Variants in CAMK4 observed in about 807,000 individuals in gnomAD.
CAMK4 encodes calcium/calmodulin dependent protein kinase IV, also known as calcium/calmodulin-dependent protein kinase type IV.
CAMK4 carries 22 observed loss-of-function variants against 44.9 expected under a neutral mutation model. The observed-to-expected ratio is 0.49, with a 90% CI of 0.35 to 0.70. The LOEUF (loss-of-function observed/expected upper bound fraction) is 0.70. Ranked by LOEUF, CAMK4 falls within the 30% of genes least tolerant of loss-of-function variation. The probability of loss-of-function intolerance (pLI) is 0.01; values close to 1 mark genes in which losing one functional copy is unlikely to be tolerated. For missense variants in CAMK4, 498 were observed against 586.8 expected, an observed-to-expected ratio of 0.85 and a Z score of 1.56; for synonymous variants, 218 against 215.4, an observed-to-expected ratio of 1.01 and a Z score of -0.11.
At chr5:111,283,773 A>T (rs141824522) in intron 1 of CAMK4, among the ~76,000 whole-genome samples, 12 of 152,340 alleles carry the variant, frequency 7.9e-5, no homozygotes, top group Non-Finnish European at 1.6e-4. Flanking sequence ...CAAGTATATG[A>T]TGCTATCAAT....
Position 111,331,874 on chromosome 5 carries a change from A to G in CAMK4, c.162-12150A>G, listed in dbSNP as rs541793746. 4.6e-5 allele frequency among the ~76,000 whole-genome samples: 7 copies of G among 151,708 alleles called. No homozygotes were observed. The East Asian group carries it at 1.4e-3, about 30-fold the overall frequency. On this transcript the variant is annotated intron_variant, in intron 1 of 10. Coordinates refer to ENST00000282356, the MANE Select transcript of CAMK4 (RefSeq NM_001744.6). ...TACTTTGAAAATTATATATTTATTT[A>G]TAGATTTTTTCTTATTTTCATATTA...
In CAMK4 at chr5:111,224,420, G is replaced by GC; in HGVS notation, c.-62dup. ...CTGCGTTCGCAGGCGGCGGCTGGCG[G>GC]CCGGCTTCTCGCTCGGGCAGCGGCG... On this transcript the variant is annotated 5_prime_UTR_variant, in exon 1 of 11. Coordinates refer to ENST00000282356, the MANE Select transcript of CAMK4 (RefSeq NM_001744.6). This position sits in a 1 kb window ranked among gnomAD's most constrained non-coding sequence, Gnocchi z 5.7. 1 of 1,500,480 alleles carries GC rather than the reference G, an allele frequency of 6.7e-7. No individual in the cohort carries two copies. The highest frequency in any genetic ancestry group is 8.9e-7 in the Non-Finnish European group (1 of 1,128,932). 92.9% of individuals were successfully genotyped at this position (1,500,480 alleles called of 1,614,324 possible).
intron 1 of CAMK4, among the ~76,000 whole-genome samples, chr5:111,327,242 A>C (rs1479806148): frequency 7.3e-5 from 11 of 150,088 alleles, no homozygotes; most frequent in African/African-American, 2.7e-4. Flanking sequence ...CCCACCTATG[A>C]GTGAGAACAT....
intron 2 of CAMK4, among the ~76,000 whole-genome samples, chr5:111,346,801 G>A (rs943008157): frequency 1.4e-5 from 2 of 142,498 alleles, no homozygotes; most frequent in Non-Finnish European, 1.5e-5. Flanking sequence ...AACCAAACTT[G>A]AGTCAGCTCA....
In CAMK4 at chr5:111,400,261, A is replaced by T. The variant is rs1166678536; in HGVS notation, c.459+5479A>T. 2.0e-5 allele frequency among the ~76,000 whole-genome samples: 3 copies of T among 152,266 alleles called. No individual in the cohort carries two copies. The East Asian group carries it at 5.8e-4, about 29-fold the overall frequency. On this transcript the variant is annotated intron_variant, in intron 5 of 10. Transcript: ENST00000282356. Reference sequence around the variant, plus strand: ...TTAAGGGTTAACTTAAAGAAAAAAAATTAATTTCCCTAAGAATTCCACAGG... The same window carrying T: ...TTAAGGGTTAACTTAAAGAAAAAAATTTAATTTCCCTAAGAATTCCACAGG...
chr5:111,323,502 G>A (rs1431698234), intron 1 of CAMK4, among the ~76,000 whole-genome samples: 3 of 151,882 alleles, frequency 2.0e-5, no homozygotes, highest in African/African-American at 7.2e-5. Context: ...GACCCTGTAA[G>A]TCAAGGAGCA....
chr5:111,475,035 C>T (rs1185017901), intron 8 of CAMK4, among the ~76,000 whole-genome samples: 2 of 152,016 alleles, frequency 1.3e-5, no homozygotes, highest in Non-Finnish European at 2.9e-5. Context: ...TGGTAGTGGG[C>T]GCCTGTAGTC....
chr5:111,363,666 ACT>A (rs1215129798), intron 2 of CAMK4, among the ~76,000 whole-genome samples: 3 of 151,914 alleles, frequency 2.0e-5, no homozygotes, highest in African/African-American at 7.2e-5. Context: ...CCTCTAGGTG[ACT>A]CTCAATGAAC....
At chr5:111,442,267 G>C (rs919785357) in intron 5 of CAMK4, among the ~76,000 whole-genome samples, 2 of 152,166 alleles carry the variant, frequency 1.3e-5, no homozygotes, top group African/African-American at 4.8e-5. Context: ...GCCGAGGCAG[G>C]TGGATCACCC....
intron 5 of CAMK4, among the ~76,000 whole-genome samples, chr5:111,445,957 TG>T (rs1754012697): frequency 1.3e-5 from 2 of 152,306 alleles, no homozygotes; most frequent in African/African-American, 4.8e-5. Flanking sequence ...GAACTGGATC[TG>T]GGGGAAGGGA....
intron 1 of CAMK4, among the ~76,000 whole-genome samples, chr5:111,323,046 CAGAG>C (rs1456804923): frequency 6.6e-6 from 1 of 151,962 alleles, no homozygotes; most frequent in African/African-American, 2.4e-5. Context: ...ATATATGTCT[CAGAG>C]GGAGTGGAGA....
intron 7 of CAMK4, among the ~76,000 whole-genome samples, chr5:111,468,712 G>T (rs143890421): frequency 6.6e-6 from 1 of 152,268 alleles, no homozygotes; most frequent in Admixed American, 6.5e-5. Context: ...GGGTACTGTG[G>T]CTCATGCCTG....
At chr5:111,442,095 C>T (rs1753842523) in intron 5 of CAMK4, among the ~76,000 whole-genome samples, 1 of 152,170 alleles carries the variant, frequency 6.6e-6, no homozygotes, top group Non-Finnish European at 1.5e-5. Flanking sequence ...TCTTCAGATG[C>T]TCCAAGATAG....
intron 1 of CAMK4, among the ~76,000 whole-genome samples, chr5:111,256,585 A>G (rs902687549): frequency 2.8e-4 from 42 of 152,328 alleles, no homozygotes; most frequent in African/African-American, 9.6e-4. Context: ...AAATGGGCCA[A>G]TAGTTTTAGA....
chr5:111,264,615 A>G (rs1478009471), intron 1 of CAMK4, among the ~76,000 whole-genome samples: 5 of 152,076 alleles, frequency 3.3e-5, no homozygotes, highest in African/African-American at 1.2e-4. Context: ...TACTGAGGAA[A>G]ATTCACTGCC....
chr5:111,410,213 G>C (rs963197872), intron 5 of CAMK4, among the ~76,000 whole-genome samples: 3 of 151,382 alleles, frequency 2.0e-5, no homozygotes, highest in African/African-American at 4.8e-5. Context: ...AGGTTTAATT[G>C]ACCCACAGTT....
At chr5:111,324,472 G>A (rs988484459) in intron 1 of CAMK4, among the ~76,000 whole-genome samples, 1 of 151,970 alleles carries the variant, frequency 6.6e-6, no homozygotes, top group Non-Finnish European at 1.5e-5. Context: ...TGCATTGCCA[G>A]AAATGAAGGG....
At chr5:111,406,194 T>TCTC (rs1672010060) in intron 5 of CAMK4, among the ~76,000 whole-genome samples, 1 of 136,850 alleles carries the variant, frequency 7.3e-6, no homozygotes, top group Non-Finnish European at 1.5e-5. Flanking sequence ...CTAATTTATT[T>TCTC]TCTCTCTCTC....
At chr5:111,417,083 G>A (rs1752841334) in intron 5 of CAMK4, among the ~76,000 whole-genome samples, 1 of 152,030 alleles carries the variant, frequency 6.6e-6, no homozygotes, top group Admixed American at 6.6e-5. Context: ...TATTTTAGAG[G>A]CACAGTCTCA....
Sources: allele counts gnomAD v4.1 joint callset (sites outside exome capture counted in the v4.1 genomes callset), GRCh38; gene constraint gnomAD v4.1.1; non-coding constraint Gnocchi (gnomAD v3.1); transcripts MANE v1.5; gene names NCBI Gene and HGNC (gene_info 2026-07-23, HGNC 2026-07-21).